The following TAGLN3 variants were observed in gnomAD, a reference collection of about 807,000 sequenced individuals.
The protein encoded by TAGLN3 is transgelin 3.
A neutral mutation model predicts 25.4 loss-of-function variants in TAGLN3; 12 were observed. The observed-to-expected ratio is 0.47, with a 90% CI of 0.30 to 0.77. The LOEUF is 0.77. Ranked by LOEUF, TAGLN3 falls within the 30% of genes least tolerant of loss-of-function variation. TAGLN3 has a pLI of 0.06. For missense variants in TAGLN3, 218 were observed against 255.8 expected (o/e 0.85, Z 1.01); for synonymous variants, 96 against 94.8 (o/e 1.01, Z -0.08).
chr3:112,013,607 C>A lies in TAGLN3; in HGVS notation c.*56C>A, dbSNP rs1487327708. On this transcript the variant is annotated 3_prime_UTR_variant, in exon 5 of 5. Coordinates refer to ENST00000478951, the MANE Select transcript of TAGLN3 (RefSeq NM_001008272.2). ...CGAATGTTCCACACCATGGTCTCTA[C>A]GAAAAAGAAATAGTTAGTCACCTTC... 8 of 1,611,876 alleles carry A rather than the reference C, an allele frequency of 5.0e-6. No individual in the cohort carries two copies. The highest frequency in any genetic ancestry group is 1.1e-5 in the South Asian group (1 of 90,896).
At chr3:112,011,723 C>T (rs1467371555) in intron 3 of TAGLN3, 40 bp from the exon 4 acceptor site, 1 of 1,581,504 alleles carries the variant, frequency 6.3e-7, no homozygotes, top group African/African-American at 1.3e-5. Context: ...TTCCTTGGCT[C>T]TGACACGTGC....
intron 3 of TAGLN3, among the ~76,000 whole-genome samples, chr3:112,009,394 C>T (rs2072952075): frequency 6.6e-6 from 1 of 152,166 alleles, no homozygotes. Flanking sequence ...ATCTGTGCTC[C>T]AGTTTTATTC....
intron 3 of TAGLN3, among the ~76,000 whole-genome samples, chr3:112,002,110 A>G (rs1355423126): frequency 6.6e-6 from 1 of 152,182 alleles, no homozygotes; most frequent in Non-Finnish European, 1.5e-5. Flanking sequence ...CAGGCTATGG[A>G]TCTTGCTGTT....
At chr3:112,004,674 A>G (rs2072897989) in intron 3 of TAGLN3, among the ~76,000 whole-genome samples, 1 of 152,254 alleles carries the variant, frequency 6.6e-6, no homozygotes, top group Non-Finnish European at 1.5e-5. Context: ...AGAAGTGTTT[A>G]GCATGGTTCA....
intron 2 of TAGLN3, among the ~76,000 whole-genome samples, chr3:111,999,809 A>G (rs3792406): frequency 0.096 from 14,570 of 152,120 alleles, 872 homozygotes; most frequent in East Asian, 0.28. Context: ...TTCTCCACTC[A>G]CCCTAGCATT....
chr3:112,007,539 C>CT (rs1396723911), intron 3 of TAGLN3, among the ~76,000 whole-genome samples: 2 of 152,208 alleles, frequency 1.3e-5, no homozygotes, highest in Non-Finnish European at 2.9e-5. Context: ...TAACCAGACT[C>CT]TATCTCATTT....
chr3:112,009,936 GGTTCATGTAGTAGTCTATATAAGAAGT>G (rs1439284843), intron 3 of TAGLN3, among the ~76,000 whole-genome samples: 2 of 150,726 alleles, frequency 1.3e-5, no homozygotes, highest in African/African-American at 4.9e-5. Context: ...GTCCTCTCTG[GGTTCATGTAGTAGTCTATATAAGAAGT>G]GTTATATATA....
intron 4 of TAGLN3, 26 bp downstream of exon 4, chr3:112,011,891 G>T (rs2072980791): frequency 6.2e-7 from 1 of 1,606,400 alleles, no homozygotes; most frequent in Non-Finnish European, 8.5e-7. Flanking sequence ...TTGCCCCCTG[G>T]ACCACAAGGC....
At position 112,013,664 on chromosome 3, in the gene TAGLN3, C is replaced by G; in HGVS notation, c.*113C>G. 6.6e-7 allele frequency: 1 copy of G among 1,519,674 alleles called. No homozygotes were observed. The highest frequency in any genetic ancestry group is 1.2e-5 in the South Asian group (1 of 83,692). 94.1% of individuals were successfully genotyped at this position (1,519,674 alleles called of 1,614,324 possible). A position where few individuals can be genotyped will look rare whatever the true frequency, so the allele number is the denominator to read the frequency against. ...TCTCCTCTTTCTCAAAGCCTTCTGT[C>G]CCTGGTTTTTGCAAGTGCTGCATTT... On this transcript the variant is annotated 3_prime_UTR_variant, in exon 5 of 5. Transcript: ENST00000478951.
chr3:112,011,971 C>A, intron 4 of TAGLN3, 106 bp downstream of exon 4: 1 of 978,570 alleles, frequency 1.0e-6, no homozygotes. Flanking sequence ...GCCCCAGGAC[C>A]AAGCACTGCT....
rs2073006122 is a variant in TAGLN3 at position 112,013,851 on chromosome 3, T to C, written c.*300T>C. 2 of 392,826 alleles carry C rather than the reference T, an allele frequency of 5.1e-6. No homozygotes were observed. The highest frequency in any genetic ancestry group is 4.8e-6 in the Non-Finnish European group (1 of 208,966). 24.3% of individuals were successfully genotyped at this position (392,826 alleles called of 1,614,324 possible). ...GCCAAAAATTCTCCTCTTCAACTTA[T>C]AGAATGCACCTAATAAAGTAATTAG... is the stretch of plus-strand genomic sequence containing the variant. On this transcript the variant is annotated 3_prime_UTR_variant, in exon 5 of 5. Coordinates refer to ENST00000478951, the MANE Select transcript of TAGLN3 (RefSeq NM_001008272.2).
intron 4 of TAGLN3, 32 bp downstream of exon 4, chr3:112,011,897 A>T (rs969374028): frequency 6.2e-7 from 1 of 1,602,642 alleles, no homozygotes; most frequent in Non-Finnish European, 8.5e-7. Flanking sequence ...CCTGGACCAC[A>T]AGGCGATTTT....
rs1260622268 is a variant in TAGLN3 at position 112,013,426 on chromosome 3, C to T, written c.475C>T (p.Arg159Trp). The T allele has an allele frequency of 1.1e-5, 18 of 1,612,888 alleles. No individual in the cohort carries two copies. The highest frequency in any genetic ancestry group is 2.2e-5 in the East Asian group (1 of 44,848). The change falls in exon 5 of 5, where the codon CGG (arginine) becomes TGG (tryptophan). Residue 159 changes from arginine to tryptophan, a missense_variant. Arg to Trp is a moderately radical substitution (Grantham distance 101). Transcript: ENST00000478951. The part of the protein sequence containing the change: ...SWFHRKAQQN[R>W]RGFSEEQLRQ... ...CTTGTCCAGGAAAGCCCAGCAGAAT[C>T]GGAGAGGCTTTTCCGAGGAGCAGCT...
chr3:112,005,745 G>A (rs932306697), intron 3 of TAGLN3, among the ~76,000 whole-genome samples: 3 of 141,372 alleles, frequency 2.1e-5, no homozygotes, highest in African/African-American at 5.3e-5. Context: ...TGTCGCCCAG[G>A]CTGGAGTTCA....
At chr3:112,008,469 T>C (rs1402773864) in intron 3 of TAGLN3, among the ~76,000 whole-genome samples, 1 of 152,182 alleles carries the variant, frequency 6.6e-6, no homozygotes, top group Non-Finnish European at 1.5e-5. Flanking sequence ...TGTGAGCCAC[T>C]GTGCCCAGCC....
At position 112,013,680 on chromosome 3, in the gene TAGLN3, T is replaced by G. The variant is rs1024623972; in HGVS notation, c.*129T>G. ...GCCTTCTGTCCCTGGTTTTTGCAAG[T>G]GCTGCATTTCCGCCGAGAATCCGCG... On this transcript the variant is annotated 3_prime_UTR_variant, in exon 5 of 5. Coordinates refer to ENST00000478951, the MANE Select transcript of TAGLN3 (RefSeq NM_001008272.2). 1.4e-6 allele frequency: 2 copies of G among 1,427,862 alleles called. No individual in the cohort carries two copies. 88.4% of individuals were successfully genotyped at this position (1,427,862 alleles called of 1,614,324 possible).
intron 2 of TAGLN3, 104 bp from the exon 3 acceptor site, chr3:112,000,668 C>A: frequency 2.3e-6 from 3 of 1,325,970 alleles, no homozygotes; most frequent in South Asian, 2.8e-5. Context: ...TTGCTCCTGC[C>A]CAAACTGGAT....
chr3:112,011,655 C>T, intron 3 of TAGLN3, 108 bp from the exon 4 acceptor site: 2 of 1,006,482 alleles, frequency 2.0e-6, no homozygotes, highest in Non-Finnish European at 2.9e-6. Context: ...TGAATCTGGT[C>T]ACCTGCAGCC....
At chr3:112,008,417 C>A (rs2072941512) in intron 3 of TAGLN3, among the ~76,000 whole-genome samples, 1 of 152,196 alleles carries the variant, frequency 6.6e-6, no homozygotes, top group Admixed American at 6.5e-5. Flanking sequence ...TGGGCTCAAG[C>A]AGTCTTCCTG....
Sources: allele counts gnomAD v4.1 joint callset (sites outside exome capture counted in the v4.1 genomes callset), GRCh38; gene constraint gnomAD v4.1.1; transcripts MANE v1.5; gene names NCBI Gene and HGNC (gene_info 2026-07-23, HGNC 2026-07-21).